QPRT: variants seen among roughly 807,000 people sequenced by gnomAD.
The protein encoded by QPRT is quinolinate phosphoribosyltransferase, also known as nicotinate-nucleotide pyrophosphorylase [carboxylating].
Under a neutral mutation model 19.8 loss-of-function variants are expected in QPRT, and 17 were observed. The observed-to-expected ratio is 0.86, with a 90% confidence interval of 0.59 to 1.29. The LOEUF (loss-of-function observed/expected upper bound fraction) is 1.29. Ranked by LOEUF, QPRT falls within the 50% of genes most tolerant of loss-of-function variation. The pLI is 0.00. For synonymous variants in QPRT, 178 were observed against 191.0 expected, an observed-to-expected ratio of 0.93 and a Z score of 0.56; for missense variants, 336 against 405.1, an observed-to-expected ratio of 0.83 and a Z score of 1.46.
rs565047297 is a variant in QPRT at position 29,686,993 on chromosome 16, T to C, written c.14-7671T>C. Among the ~76,000 whole-genome samples the C allele has an allele frequency of 3.0e-4, 45 of 152,384 alleles. No individual in the cohort carries two copies. In the South Asian group the frequency reaches 8.7e-3, roughly 29 times the overall value. ...ATGGAGGCAACAGCGTGGGCAGCTCTTTCTCTTACTTGTCAGGCTTTAGCC... is the reference window on the plus strand; with the variant it reads ...ATGGAGGCAACAGCGTGGGCAGCTCCTTCTCTTACTTGTCAGGCTTTAGCC... On this transcript the variant is annotated intron_variant, in intron 1 of 3. Transcript: ENST00000395384.
chr16:29,686,323 C>T (rs1596789166), intron 1 of QPRT, among the ~76,000 whole-genome samples: 1 of 152,068 alleles, frequency 6.6e-6, no homozygotes, highest in East Asian at 1.9e-4. Flanking sequence ...GTTTTCTCAG[C>T]CCCAAATGTC....
chr16:29,684,202 C>T (rs1351181917), intron 1 of QPRT, among the ~76,000 whole-genome samples: 2 of 152,080 alleles, frequency 1.3e-5, no homozygotes, highest in Non-Finnish European at 2.9e-5. Context: ...TCACTGCAGC[C>T]TCCAACTCCT....
At chr16:29,693,879 C>G (rs185403629) in intron 1 of QPRT, among the ~76,000 whole-genome samples, 5 of 152,096 alleles carry the variant, frequency 3.3e-5, no homozygotes, top group Admixed American at 6.6e-5. Flanking sequence ...CGTGAGCCAC[C>G]GCGCCTGGCC....
chr16:29,684,594 G>A (rs894341885), intron 1 of QPRT, among the ~76,000 whole-genome samples: 2 of 151,998 alleles, frequency 1.3e-5, no homozygotes, highest in African/African-American at 2.4e-5. Flanking sequence ...TGATCCTCCC[G>A]CCTCGGCCTC....
intron 1 of QPRT, among the ~76,000 whole-genome samples, chr16:29,693,557 C>G (rs1281734686): frequency 6.7e-6 from 1 of 150,030 alleles, no homozygotes; most frequent in Non-Finnish European, 1.5e-5. Flanking sequence ...CTGTACCCAG[C>G]CCCATCATCC....
intron 1 of QPRT, among the ~76,000 whole-genome samples, chr16:29,679,583 A>G (rs9933310): frequency 0.31 from 46,338 of 151,034 alleles, 8,358 homozygotes; most frequent in Middle Eastern, 0.47. Context: ...AGAAGCAGAG[A>G]CAAAGTCCTG....
intron 1 of QPRT, among the ~76,000 whole-genome samples, chr16:29,692,290 G>C (rs905748437): frequency 1.3e-5 from 2 of 151,584 alleles, no homozygotes; most frequent in African/African-American, 4.8e-5. Context: ...TTTTTTAAGT[G>C]TGGGTACTGG....
At chr16:29,681,845 C>T (rs1307520925) in intron 1 of QPRT, among the ~76,000 whole-genome samples, 1 of 151,884 alleles carries the variant, frequency 6.6e-6, no homozygotes, top group Non-Finnish European at 1.5e-5. Flanking sequence ...GCCTCAGCCT[C>T]ACGAGTAGCT....
rs1285836945 is a variant in QPRT at position 29,695,182 on chromosome 16, G to A, written c.532G>A (p.Ala178Thr). The A allele has an allele frequency of 3.9e-5, 61 of 1,552,246 alleles. No individual in the cohort carries two copies. The highest frequency in any genetic ancestry group is 4.4e-5 in the Non-Finnish European group (50 of 1,147,604). The change falls in exon 2 of 4, where the codon GCC becomes ACC. Residue 178 changes from alanine to threonine, a missense_variant. By Grantham distance (58) the Ala-to-Thr change is moderately conservative (BLOSUM62 0). Transcript: ENST00000395384. ...VMVKDNHVVA[A>T]GGVEKAVRAA... ...GGTGAAGGATAACCATGTGGTGGCC[G>A]CCGGTGGCGTGGAGAAGGTGCTGGT... is the stretch of plus-strand genomic sequence containing the variant.
At chr16:29,679,612 G>A (rs992987212) in intron 1 of QPRT, among the ~76,000 whole-genome samples, 2 of 152,120 alleles carry the variant, frequency 1.3e-5, no homozygotes, top group African/African-American at 4.8e-5. Flanking sequence ...GCAGCTGGGT[G>A]GGGGAGGGGG....
In QPRT at chr16:29,695,127, G is replaced by T. The variant is rs569256152; in HGVS notation, c.477G>T (p.Ser159=). The part of the protein sequence containing the change: ...KYGLLVGGAA[S]HRYDLGGLVM... ...GGCTCCTGGTGGGCGGGGCCGCCTC[G>T]CACCGCTACGACCTGGGAGGGCTGG... The change falls in exon 2 of 4, where the codon TCG becomes TCT. Residue 159 remains serine, a synonymous_variant. Transcript: ENST00000395384. 90 of 1,587,606 alleles carry T rather than the reference G, an allele frequency of 5.7e-5. 1 individual carries two copies. The South Asian group carries it at 8.3e-4, about 15-fold the overall frequency.
At chr16:29,681,230 G>A (rs887045939) in intron 1 of QPRT, among the ~76,000 whole-genome samples, 2 of 152,112 alleles carry the variant, frequency 1.3e-5, no homozygotes, top group Non-Finnish European at 2.9e-5. Flanking sequence ...TTTGTAACCT[G>A]TAGAAGCCCG....
chr16:29,693,894 T>C (rs1401498715), intron 1 of QPRT, among the ~76,000 whole-genome samples: 1 of 149,558 alleles, frequency 6.7e-6, no homozygotes, highest in Non-Finnish European at 1.5e-5. Flanking sequence ...CTGGCCAGAC[T>C]GATTTTTTTT....
At chr16:29,695,259 C>G in intron 2 of QPRT, 60 bp downstream of exon 2, 1 of 1,464,602 alleles carries the variant, frequency 6.8e-7, no homozygotes, top group South Asian at 1.4e-5. Flanking sequence ...CCCCTCCCCT[C>G]CCCTCTCCAG....
chr16:29,694,323 A>G (rs1430375082), intron 1 of QPRT, among the ~76,000 whole-genome samples: 1 of 150,970 alleles, frequency 6.6e-6, no homozygotes, highest in African/African-American at 2.4e-5. Context: ...GTTTCACCAT[A>G]TTAGCCAGAA....
At chr16:29,681,201 AG>A (rs1966991814) in intron 1 of QPRT, among the ~76,000 whole-genome samples, 1 of 152,132 alleles carries the variant, frequency 6.6e-6, no homozygotes, top group South Asian at 2.1e-4. Context: ...ACTCAGCAGC[AG>A]TGGAAACCCT....
intron 1 of QPRT, among the ~76,000 whole-genome samples, chr16:29,683,589 C>T (rs560110938): frequency 6.6e-6 from 1 of 152,016 alleles, no homozygotes; most frequent in African/African-American, 2.4e-5. Context: ...AAACTCCTGG[C>T]CTCAAGCGAT....
At chr16:29,683,197 G>C (rs532346563) in intron 1 of QPRT, among the ~76,000 whole-genome samples, 8 of 151,742 alleles carry the variant, frequency 5.3e-5, no homozygotes, top group African/African-American at 1.9e-4. Flanking sequence ...GATAAATTTT[G>C]TATTTTTTTA....
chr16:29,680,210 C>T (rs1966957435), intron 1 of QPRT, among the ~76,000 whole-genome samples: 3 of 152,096 alleles, frequency 2.0e-5, no homozygotes, highest in African/African-American at 7.2e-5. Context: ...CCCGTCTCTG[C>T]CTCCCAAAGT....
Sources: allele counts gnomAD v4.1 joint callset (sites outside exome capture counted in the v4.1 genomes callset), GRCh38; gene constraint gnomAD v4.1.1; transcripts MANE v1.5; gene names NCBI Gene and HGNC (gene_info 2026-07-23, HGNC 2026-07-21).